Variants in FNDC1 observed in about 807,000 individuals in gnomAD.
FNDC1 encodes fibronectin type III domain containing 1.
In FNDC1, 96 loss-of-function variants were observed where a neutral mutation model predicts 168.0. The observed-to-expected ratio is 0.57, with a 90% CI of 0.48 to 0.68. FNDC1 has a LOEUF of 0.68. FNDC1 is among the 30% of genes least tolerant of loss of function. The pLI is 0.00. For missense variants in FNDC1, 2,587 were observed against 2,482.1 expected (o/e 1.04, Z -0.90); for synonymous variants, 1,099 against 1,025.9 (o/e 1.07, Z -1.36).
chr6:159,177,012 A>G (rs538050852), intron 1 of FNDC1, among the ~76,000 whole-genome samples: 2 of 152,236 alleles, frequency 1.3e-5, no homozygotes, highest in African/African-American at 4.8e-5. Context: ...GCTCCAGGGT[A>G]GCATAAGTCT....
Position 159,215,029 on chromosome 6 carries a change from T to A in FNDC1, c.545T>A (p.Leu182Gln), listed in dbSNP as rs1315247228. The A allele has an allele frequency of 1.9e-6, 3 of 1,613,942 alleles. No individual in the cohort carries two copies. Among genetic ancestry groups the A allele is most frequent in the Non-Finnish European group, 2.5e-6 (3 of 1,179,894 alleles). Residue 182 changes from leucine (L) to glutamine (Q), a missense_variant, in exon 5 of 23, where the codon CTG (leucine) becomes CAG (glutamine). Coordinates refer to ENST00000297267, the MANE Select transcript of FNDC1 (RefSeq NM_032532.3). ...TCCGTTGCGTGGAAGGCACCACGCC[T>A]GTCTGGAGCCAAGAGTCCACGCAGA... is the stretch of plus-strand genomic sequence containing the variant. ...RLSVAWKAPR[L>Q]SGAKSPRRSR...
Position 159,192,780 on chromosome 6 carries a change from G to A in FNDC1, c.110-4651G>A, listed in dbSNP as rs9457563. Reference sequence around the variant, plus strand: ...GCATCCCACACTCCTCTCCCTGAAGGCTTCCTGGGATGCATCTCCCTACTT... The same window carrying A: ...GCATCCCACACTCCTCTCCCTGAAGACTTCCTGGGATGCATCTCCCTACTT... On this transcript the variant is annotated intron_variant, in intron 1 of 22. Coordinates refer to ENST00000297267, the MANE Select transcript of FNDC1 (RefSeq NM_032532.3). Among the ~76,000 whole-genome samples, 305 of 152,164 alleles carry A rather than the reference G, an allele frequency of 2.0e-3. 2 individuals are homozygous for A. The highest frequency in any genetic ancestry group is 7.0e-3 in the African/African-American group (290 of 41,498).
intron 1 of FNDC1, among the ~76,000 whole-genome samples, chr6:159,184,736 G>T (rs1047843302): frequency 1.8e-4 from 27 of 152,240 alleles, no homozygotes; most frequent in Admixed American, 2.6e-4. Context: ...AATTTTCAGG[G>T]AGTGGTTTTT....
chr6:159,245,673 A>T (rs574491766), intron 14 of FNDC1, among the ~76,000 whole-genome samples: 11 of 152,326 alleles, frequency 7.2e-5, no homozygotes, highest in Non-Finnish European at 1.5e-4. Context: ...TTTATGCTTA[A>T]ATCACTCACC....
At chr6:159,243,849 C>G (rs941613652) in intron 14 of FNDC1, among the ~76,000 whole-genome samples, 2 of 152,012 alleles carry the variant, frequency 1.3e-5, no homozygotes, top group Non-Finnish European at 2.9e-5. Context: ...AAAAAGAACA[C>G]CAAAATCACC....
chr6:159,210,695 G>T (rs1278608013), intron 4 of FNDC1, among the ~76,000 whole-genome samples: 2 of 152,182 alleles, frequency 1.3e-5, no homozygotes, highest in Non-Finnish European at 2.9e-5. Context: ...GGTGGCGTTT[G>T]CTGGAGCTCA....
At chr6:159,207,009 G>C (rs1403334493) in intron 4 of FNDC1, among the ~76,000 whole-genome samples, 1 of 152,220 alleles carries the variant, frequency 6.6e-6, no homozygotes, top group African/African-American at 2.4e-5. Context: ...TAATAAAAAT[G>C]TGGGAGACAG....
chr6:159,203,703 A>T lies in FNDC1; in HGVS notation c.460+3122A>T, dbSNP rs115092682. Among the ~76,000 whole-genome samples, 405 of 152,252 alleles carry T rather than the reference A, an allele frequency of 2.7e-3. 4 individuals are homozygous for T. The highest frequency in any genetic ancestry group is 8.9e-3 in the African/African-American group (371 of 41,534). ...TCTGTTCATTTATTGGAATACTGTT[A>T]TGGAGCTTTTCTGCAGACTTCTTTT... is the stretch of plus-strand genomic sequence containing the variant. On this transcript the variant is annotated intron_variant, in intron 4 of 22. Transcript: ENST00000297267.
At chr6:159,206,591 G>A (rs367906143) in intron 4 of FNDC1, among the ~76,000 whole-genome samples, 3 of 152,346 alleles carry the variant, frequency 2.0e-5, no homozygotes, top group Admixed American at 6.5e-5. Context: ...GGGCTTGGAC[G>A]TTGCAGAGGT....
At chr6:159,207,542 T>A (rs866400820) in intron 4 of FNDC1, among the ~76,000 whole-genome samples, 1 of 152,230 alleles carries the variant, frequency 6.6e-6, no homozygotes, top group African/African-American at 2.4e-5. Flanking sequence ...AGGGCAGGTG[T>A]GGGTCTGTGA....
At chr6:159,185,844 C>A (rs1781985446) in intron 1 of FNDC1, among the ~76,000 whole-genome samples, 1 of 152,186 alleles carries the variant, frequency 6.6e-6, no homozygotes, top group Non-Finnish European at 1.5e-5. Context: ...AGTATTCTGG[C>A]CTCTGTAGTA....
At chr6:159,264,687 A>AT (rs199767059) in intron 19 of FNDC1, among the ~76,000 whole-genome samples, 6 of 152,164 alleles carry the variant, frequency 3.9e-5, no homozygotes, top group African/African-American at 7.2e-5. Context: ...AAGGTAGACA[A>AT]TTTTTTTAAA....
chr6:159,268,819 TTCA>T (rs1363756874), intron 22 of FNDC1, among the ~76,000 whole-genome samples: 1 of 133,916 alleles, frequency 7.5e-6, no homozygotes, highest in African/African-American at 2.9e-5. Context: ...CATCTATCTA[TTCA>T]TCTATCTATC....
chr6:159,210,280 T>C (rs1782572924), intron 4 of FNDC1, among the ~76,000 whole-genome samples: 1 of 152,208 alleles, frequency 6.6e-6, no homozygotes, highest in African/African-American at 2.4e-5. Context: ...CAAGAGCTGC[T>C]ACGGAGAGAG....
intron 18 of FNDC1, among the ~76,000 whole-genome samples, chr6:159,260,634 A>G (rs1777462193): frequency 6.6e-6 from 1 of 152,214 alleles, no homozygotes; most frequent in Admixed American, 6.5e-5. Context: ...TTCACTGAAA[A>G]GGCAGCCTCC....
chr6:159,253,163 C>T (rs1448147549), intron 17 of FNDC1, among the ~76,000 whole-genome samples: 1 of 152,170 alleles, frequency 6.6e-6, no homozygotes, highest in African/African-American at 2.4e-5. Flanking sequence ...GTACTCACGA[C>T]ACTAGCATAA....
intron 4 of FNDC1, among the ~76,000 whole-genome samples, chr6:159,202,091 A>T (rs1325370480): frequency 3.3e-5 from 5 of 152,188 alleles, no homozygotes; most frequent in African/African-American, 9.7e-5. Context: ...GAGGCTTTGC[A>T]GGCCCTGGTT....
At chr6:159,206,595 C>A (rs1428328001) in intron 4 of FNDC1, among the ~76,000 whole-genome samples, 1 of 152,184 alleles carries the variant, frequency 6.6e-6, no homozygotes, top group East Asian at 1.9e-4. Context: ...TTGGACGTTG[C>A]AGAGGTGCCT....
chr6:159,244,269 T>A (rs1477018425), intron 14 of FNDC1, among the ~76,000 whole-genome samples: 1 of 152,186 alleles, frequency 6.6e-6, no homozygotes, highest in Non-Finnish European at 1.5e-5. Flanking sequence ...TCAGAAGTAA[T>A]TTGTCTTGGA....
Sources: allele counts gnomAD v4.1 joint callset (sites outside exome capture counted in the v4.1 genomes callset), GRCh38; gene constraint gnomAD v4.1.1; transcripts MANE v1.5; gene names NCBI Gene and HGNC (gene_info 2026-07-23, HGNC 2026-07-21).